The following ENTHD1 variants were observed in gnomAD, a reference collection of about 807,000 sequenced individuals.
ENTHD1 encodes ENTH domain-containing protein 1.
A neutral mutation model predicts 39.1 loss-of-function variants in ENTHD1; 23 were observed. The observed-to-expected ratio is 0.59, with a 90% CI of 0.42 to 0.83. The LOEUF is 0.83. Ranked by LOEUF, ENTHD1 falls within the 40% of genes least tolerant of loss-of-function variation. The pLI, the probability that ENTHD1 is intolerant of heterozygous loss-of-function variation, is 0.00. For synonymous variants in ENTHD1, 230 were observed against 258.2 expected, an observed-to-expected ratio of 0.89 and a Z score of 1.05; for missense variants, 624 against 705.4, an observed-to-expected ratio of 0.88 and a Z score of 1.31.
chr22:39,886,914 T>C (rs1720781746), intron 2 of ENTHD1, among the ~76,000 whole-genome samples: 1 of 152,250 alleles, frequency 6.6e-6, no homozygotes, highest in Non-Finnish European at 1.5e-5. Flanking sequence ...AATTATAAAT[T>C]ACAGTGACAT....
chr22:39,758,420 T>C (rs1211122345), intron 6 of ENTHD1, among the ~76,000 whole-genome samples: 5 of 152,006 alleles, frequency 3.3e-5, no homozygotes, highest in Non-Finnish European at 7.4e-5. Context: ...TTAAAAAACA[T>C]TTTATTTATT....
chr22:39,836,004 T>C (rs1179052544), intron 3 of ENTHD1, 46 bp from the exon 4 acceptor site: 1 of 1,400,672 alleles, frequency 7.1e-7, no homozygotes, highest in South Asian at 1.3e-5. Flanking sequence ...CAAAACACAG[T>C]TATGTTTTTA....
chr22:39,827,852 G>C (rs2065838275), intron 4 of ENTHD1, among the ~76,000 whole-genome samples: 1 of 152,066 alleles, frequency 6.6e-6, no homozygotes, highest in Admixed American at 6.6e-5. Flanking sequence ...GATTATTATT[G>C]CAACTTTGCT....
intron 2 of ENTHD1, among the ~76,000 whole-genome samples, chr22:39,882,635 A>G (rs895308784): frequency 6.6e-6 from 1 of 152,182 alleles, no homozygotes; most frequent in Admixed American, 6.5e-5. Flanking sequence ...TATATCCTCA[A>G]TAAATGCACA....
intron 5 of ENTHD1, among the ~76,000 whole-genome samples, chr22:39,814,970 C>T (rs2065722172): frequency 2.0e-5 from 3 of 152,040 alleles, no homozygotes. Flanking sequence ...AAGTCACAAA[C>T]TGGAAAAACG....
At chr22:39,860,582 G>A (rs1323546497) in intron 3 of ENTHD1, among the ~76,000 whole-genome samples, 2 of 152,318 alleles carry the variant, frequency 1.3e-5, no homozygotes, top group East Asian at 1.9e-4. Context: ...CTGGGTGAAC[G>A]TTTGAAACTC....
chr22:39,818,921 T>C (rs1159341935), intron 5 of ENTHD1, among the ~76,000 whole-genome samples: 1 of 152,248 alleles, frequency 6.6e-6, no homozygotes, highest in Non-Finnish European at 1.5e-5. Context: ...CTGCCACAGA[T>C]GTTTAAAGCA....
chr22:39,790,372 G>A (rs1284907900), intron 5 of ENTHD1, among the ~76,000 whole-genome samples: 1 of 152,162 alleles, frequency 6.6e-6, no homozygotes, highest in African/African-American at 2.4e-5. Context: ...TTCTGGACAT[G>A]TTTCGAAGGT....
intron 4 of ENTHD1, among the ~76,000 whole-genome samples, chr22:39,833,026 G>A (rs1407310747): frequency 1.3e-5 from 2 of 152,148 alleles, no homozygotes; most frequent in Non-Finnish European, 2.9e-5. Context: ...GACTGGGGTA[G>A]GCTTGGGAAG....
intron 5 of ENTHD1, among the ~76,000 whole-genome samples, chr22:39,788,071 G>C (rs1380183942): frequency 6.6e-6 from 1 of 152,156 alleles, no homozygotes; most frequent in East Asian, 1.9e-4. Flanking sequence ...TTGTTTTCAT[G>C]CCTGCTAACA....
intron 5 of ENTHD1, among the ~76,000 whole-genome samples, chr22:39,769,412 C>T (rs1260583757): frequency 4.6e-5 from 7 of 152,096 alleles, no homozygotes; most frequent in Admixed American, 3.9e-4. Flanking sequence ...AAATGAGAGC[C>T]ACTCCTGTTG....
intron 2 of ENTHD1, 39 bp downstream of exon 2, chr22:39,887,361 C>T (rs182664861): frequency 1.2e-5 from 18 of 1,516,770 alleles, no homozygotes; most frequent in Non-Finnish European, 1.6e-5. Flanking sequence ...CCGGTGTACA[C>T]CACCACACCC....
At chr22:39,847,268 G>C (rs1342429641) in intron 3 of ENTHD1, among the ~76,000 whole-genome samples, 2 of 149,710 alleles carry the variant, frequency 1.3e-5, no homozygotes, top group Non-Finnish European at 3.0e-5. Context: ...ACTATCGCAA[G>C]GACAAAAAAC....
At chr22:39,788,726 A>G (rs543083312) in intron 5 of ENTHD1, among the ~76,000 whole-genome samples, 4 of 152,170 alleles carry the variant, frequency 2.6e-5, no homozygotes, top group South Asian at 4.2e-4. Context: ...ATGACCTGGC[A>G]AACTTCATCA....
At chr22:39,800,193 A>G (rs1476817166) in intron 5 of ENTHD1, among the ~76,000 whole-genome samples, 1 of 152,204 alleles carries the variant, frequency 6.6e-6, no homozygotes, top group Non-Finnish European at 1.5e-5. Context: ...AGCCTCTCCA[A>G]GCTCCCAGCC....
chr22:39,759,958 G>GAAATTTATTGTT (rs2065217903), intron 6 of ENTHD1, among the ~76,000 whole-genome samples: 3 of 151,754 alleles, frequency 2.0e-5, no homozygotes, highest in Admixed American at 6.6e-5. Flanking sequence ...TCAATCTTTT[G>GAAATTTATTGTT]AAATTTATTG....
At chr22:39,842,920 A>G (rs2065956431) in intron 3 of ENTHD1, among the ~76,000 whole-genome samples, 2 of 147,634 alleles carry the variant, frequency 1.4e-5, no homozygotes, top group South Asian at 4.4e-4. Flanking sequence ...ATACCATCTC[A>G]CACCAGTTAG....
At chr22:39,808,071 T>A (rs1462062956) in intron 5 of ENTHD1, among the ~76,000 whole-genome samples, 2 of 152,292 alleles carry the variant, frequency 1.3e-5, no homozygotes, top group Non-Finnish European at 2.9e-5. Flanking sequence ...GGCAAATTTT[T>A]AAAAATCTCT....
chr22:39,886,618 T>A (rs928439870), intron 2 of ENTHD1, among the ~76,000 whole-genome samples: 16 of 152,196 alleles, frequency 1.1e-4, no homozygotes, highest in Non-Finnish European at 2.4e-4. Context: ...CTGAATTTTA[T>A]CCTCTTCTCA....
Sources: gnomAD v4.1 joint callset for allele counts (sites outside exome capture counted in the v4.1 genomes callset) on GRCh38, gnomAD v4.1.1 for gene constraint, MANE v1.5 for transcripts, NCBI Gene and HGNC (gene_info 2026-07-23, HGNC 2026-07-21) for gene names.